The following USP15 variants were observed in gnomAD, a reference collection of about 807,000 sequenced individuals.
USP15 encodes the protein ubiquitin specific peptidase 15.
In USP15, 18 loss-of-function variants were observed where a neutral mutation model predicts 127.1. The ratio of observed to expected loss-of-function variants is 0.14; its 90% CI spans 0.10 to 0.21. USP15 has a LOEUF of 0.21. Ranked by LOEUF, USP15 falls within the 10% of genes least tolerant of loss-of-function variation. USP15 has a pLI of 1.00. For missense variants in USP15, 805 were observed against 1,159.9 expected (o/e 0.69, Z 4.44); for synonymous variants, 364 against 393.7 (o/e 0.92, Z 0.89).
chr12:62,359,918 T>C (rs981769694), intron 8 of USP15, among the ~76,000 whole-genome samples: 1 of 151,606 alleles, frequency 6.6e-6, no homozygotes, highest in African/African-American at 2.4e-5. Flanking sequence ...TCAAATAATA[T>C]AATAAGATAG....
chr12:62,401,417 A>G (rs935833864), intron 21 of USP15, 142 bp downstream of exon 21: 6 of 523,582 alleles, frequency 1.1e-5, no homozygotes, highest in Middle Eastern at 3.9e-4. Context: ...TCTTATTTAA[A>G]GAAATGTCAA....
chr12:62,366,971 T>G (rs1233046499), intron 8 of USP15, among the ~76,000 whole-genome samples: 1 of 152,206 alleles, frequency 6.6e-6, no homozygotes, highest in Admixed American at 6.5e-5. Context: ...CTTGAGGATT[T>G]TCACGTCGAT....
chr12:62,406,230 A>AT lies in USP15; in HGVS notation c.*1857dup. 1 of 152,294 alleles carries AT rather than the reference A, an allele frequency of 6.6e-6. No homozygotes were observed. The allele number at this position is 152,294 out of a possible 1,614,324, so 9.4% of individuals were successfully genotyped here. ...ATAAATAGTTAATACTAGAAAGGAA[A>AT]TTATGTCAGAGCAAAATGAATCCTA... On this transcript the variant is annotated 3_prime_UTR_variant, in exon 22 of 22. Coordinates refer to ENST00000280377, the MANE Select transcript of USP15 (RefSeq NM_001252078.2).
chr12:62,314,354 T>G (rs1044983323), intron 3 of USP15, among the ~76,000 whole-genome samples: 2 of 151,910 alleles, frequency 1.3e-5, no homozygotes, highest in African/African-American at 4.8e-5. Flanking sequence ...GGATCACTAC[T>G]AAAAGCTAAG....
chr12:62,403,212 C>T (rs1310753812), intron 21 of USP15, among the ~76,000 whole-genome samples: 1 of 151,940 alleles, frequency 6.6e-6, no homozygotes, highest in Non-Finnish European at 1.5e-5. Context: ...CAGCCTCAGG[C>T]AGCAGTTGAA....
chr12:62,326,644 A>G (rs1475448778), intron 6 of USP15, among the ~76,000 whole-genome samples: 11 of 152,222 alleles, frequency 7.2e-5, no homozygotes, highest in Non-Finnish European at 1.5e-4. Context: ...ATATCAGTTC[A>G]GGTTAGGTTG....
rs1482153451 is a variant in USP15 at position 62,407,246 on chromosome 12, CA to C, written c.*2873del. 2.6e-5 allele frequency: 4 copies of C among 152,080 alleles called. No homozygotes were observed. The highest frequency in any genetic ancestry group is 4.4e-5 in the Non-Finnish European group (3 of 68,012). 9.4% of individuals were successfully genotyped at this position (152,080 alleles called of 1,614,324 possible). ...ATCCCCATTTTTCATATGAAGAAAC[CA>C]AGATACAAAGCATTTAAGTAATATT... On this transcript the variant is annotated 3_prime_UTR_variant, in exon 22 of 22. Coordinates refer to ENST00000280377, the MANE Select transcript of USP15 (RefSeq NM_001252078.2).
At chr12:62,399,610 G>A (rs1442866392) in intron 20 of USP15, among the ~76,000 whole-genome samples, 3 of 152,022 alleles carry the variant, frequency 2.0e-5, no homozygotes, top group Non-Finnish European at 2.9e-5. Context: ...TTCATATATT[G>A]AGAACAGGGT....
chr12:62,291,242 A>G (rs935571837), intron 1 of USP15, among the ~76,000 whole-genome samples: 1 of 152,126 alleles, frequency 6.6e-6, no homozygotes, highest in Non-Finnish European at 1.5e-5. Context: ...GTAGTCTCCT[A>G]CTTCTCAAAG....
chr12:62,282,184 C>T (rs1485157802), intron 1 of USP15, among the ~76,000 whole-genome samples: 1 of 152,012 alleles, frequency 6.6e-6, no homozygotes, highest in South Asian at 2.1e-4. Flanking sequence ...ACAAAATTAG[C>T]TGAGTTTGTG....
intron 6 of USP15, among the ~76,000 whole-genome samples, chr12:62,344,572 C>CT (rs2065752505): frequency 6.6e-6 from 1 of 152,224 alleles, no homozygotes; most frequent in East Asian, 1.9e-4. Flanking sequence ...CAGCGGCCCT[C>CT]TTCTCACAGC....
At chr12:62,261,908 A>G (rs1412677905) in intron 1 of USP15, among the ~76,000 whole-genome samples, 1 of 152,118 alleles carries the variant, frequency 6.6e-6, no homozygotes, top group Non-Finnish European at 1.5e-5. Flanking sequence ...TACTTGTTTC[A>G]TTATATCAAA....
intron 6 of USP15, among the ~76,000 whole-genome samples, chr12:62,332,440 G>A (rs1285148181): frequency 6.6e-6 from 1 of 151,732 alleles, no homozygotes; most frequent in Non-Finnish European, 1.5e-5. Context: ...GCATTGGGTG[G>A]ATAATCTAGT....
intron 9 of USP15, 46 bp from the exon 10 acceptor site, chr12:62,383,794 C>A: frequency 6.4e-7 from 1 of 1,571,232 alleles, no homozygotes; most frequent in Non-Finnish European, 8.6e-7. Flanking sequence ...GTTTAAAAAT[C>A]AACCCTGTTC....
chr12:62,380,679 A>G (rs538633893), intron 8 of USP15, among the ~76,000 whole-genome samples: 2 of 152,220 alleles, frequency 1.3e-5, no homozygotes, highest in African/African-American at 4.8e-5. Context: ...GTTGCATATT[A>G]TAGACATCTA....
intron 1 of USP15, chr12:62,277,528 G>T (rs1278696795): frequency 6.6e-6 from 1 of 152,094 alleles, no homozygotes; most frequent in Non-Finnish European, 1.5e-5. Flanking sequence ...CACTTACCAT[G>T]AATGGAGTTT....
At chr12:62,380,827 G>A (rs187561800) in intron 8 of USP15, among the ~76,000 whole-genome samples, 28 of 151,962 alleles carry the variant, frequency 1.8e-4, no homozygotes, top group Non-Finnish European at 3.4e-4. Context: ...TTTTTAATTC[G>A]GAATTGGAAA....
At chr12:62,294,846 T>TA (rs2064081533) in intron 2 of USP15, among the ~76,000 whole-genome samples, 1 of 152,176 alleles carries the variant, frequency 6.6e-6, no homozygotes, top group Admixed American at 6.5e-5. Flanking sequence ...AAAACATAAG[T>TA]ACCAGAACTT....
At position 62,415,997 on chromosome 12, in the gene USP15, CAA is replaced by C. The variant is rs1434883778; in HGVS notation, c.*11624_*11625del. On this transcript the variant is annotated 3_prime_UTR_variant, in exon 22 of 22. Coordinates refer to ENST00000280377, the MANE Select transcript of USP15 (RefSeq NM_001252078.2). ...TAATAAACTTTCTTTAGCAAGAGAG[CAA>C]AGAGTATGGTACAGTCAGTCCACCC... The C allele has an allele frequency of 2.0e-5, 3 of 152,164 alleles. No homozygotes were observed. Among genetic ancestry groups the C allele is most frequent in the Admixed American group, 6.5e-5 (1 of 15,272 alleles). 9.4% of individuals were successfully genotyped at this position (152,164 alleles called of 1,614,324 possible). A position where few individuals can be genotyped will look rare whatever the true frequency, so the allele number is the denominator to read the frequency against.
Sources: gnomAD v4.1 joint callset for allele counts (sites outside exome capture counted in the v4.1 genomes callset) on GRCh38, gnomAD v4.1.1 for gene constraint, MANE v1.5 for transcripts, NCBI Gene and HGNC (gene_info 2026-07-23, HGNC 2026-07-21) for gene names.